FGD6: variants seen among roughly 807,000 people sequenced by gnomAD.
FGD6 encodes FYVE, RhoGEF and PH domain containing 6.
Under a neutral mutation model 149.4 loss-of-function variants are expected in FGD6, and 90 were observed. The observed-to-expected ratio is 0.60, with a 90% CI of 0.51 to 0.72. The LOEUF is 0.72. Among genes scored for constraint, FGD6 ranks in the 30% least tolerant of loss-of-function variants. The pLI, the probability that FGD6 is intolerant of heterozygous loss-of-function variation, is 0.00. For synonymous variants in FGD6, 527 were observed against 584.0 expected, an observed-to-expected ratio of 0.90 and a Z score of 1.41; for missense variants, 1,437 against 1,684.8, an observed-to-expected ratio of 0.85 and a Z score of 2.57.
intron 2 of FGD6, among the ~76,000 whole-genome samples, chr12:95,190,744 T>C (rs1186835246): frequency 6.6e-6 from 1 of 152,116 alleles, no homozygotes; most frequent in East Asian, 1.9e-4. Flanking sequence ...CATTCTGATA[T>C]TTCCCCACAT....
chr12:95,092,893 C>G, intron 15 of FGD6, 48 bp from the exon 16 acceptor site: 1 of 1,558,866 alleles, frequency 6.4e-7, no homozygotes, highest in Non-Finnish European at 8.7e-7. Context: ...CACTGCCTGC[C>G]TTTTTATTCG....
chr12:95,085,671 G>T, intron 19 of FGD6, 109 bp downstream of exon 19: 1 of 1,334,330 alleles, frequency 7.5e-7, no homozygotes. Context: ...CCATCCAAAA[G>T]CAAAGCAAAA....
chr12:95,133,795 C>T (rs1476932538), intron 8 of FGD6, among the ~76,000 whole-genome samples: 1 of 152,204 alleles, frequency 6.6e-6, no homozygotes, highest in African/African-American at 2.4e-5. Context: ...ACTGAGACTA[C>T]ACTAGCCTTT....
At chr12:95,187,065 C>T (rs1159461038) in intron 2 of FGD6, among the ~76,000 whole-genome samples, 10 of 152,190 alleles carry the variant, frequency 6.6e-5, no homozygotes. Flanking sequence ...GGCATAGTGG[C>T]TCATGCCTGT....
chr12:95,106,112 A>AC (rs139880961), intron 13 of FGD6, among the ~76,000 whole-genome samples: 1 of 151,218 alleles, frequency 6.6e-6, no homozygotes, highest in African/African-American at 2.4e-5. Flanking sequence ...TTTTCTCTAA[A>AC]ATATATATTT....
intron 20 of FGD6, among the ~76,000 whole-genome samples, chr12:95,083,562 C>T (rs1383043642): frequency 6.6e-6 from 1 of 151,872 alleles, no homozygotes; most frequent in Non-Finnish European, 1.5e-5. Context: ...AAATATTCTC[C>T]AGTAGCCAAA....
intron 12 of FGD6, 107 bp downstream of exon 12, chr12:95,107,456 A>T: frequency 1.0e-6 from 1 of 996,968 alleles, no homozygotes; most frequent in Non-Finnish European, 1.5e-6. Flanking sequence ...GAAGCTGGTG[A>T]GGCTGATATT....
At chr12:95,162,140 C>T (rs1016889029) in intron 3 of FGD6, among the ~76,000 whole-genome samples, 7 of 148,880 alleles carry the variant, frequency 4.7e-5, no homozygotes, top group African/African-American at 1.7e-4. Flanking sequence ...GTGGCATGTG[C>T]CTGTAGTTCC....
At chr12:95,121,388 TG>T (rs1879179313) in intron 8 of FGD6, among the ~76,000 whole-genome samples, 5 of 147,694 alleles carry the variant, frequency 3.4e-5, no homozygotes, top group African/African-American at 1.3e-4. Flanking sequence ...AGGTGGAGGT[TG>T]CAGTGAGCTG....
chr12:95,089,210 C>A (rs1171489458), intron 18 of FGD6, among the ~76,000 whole-genome samples: 1 of 152,190 alleles, frequency 6.6e-6, no homozygotes, highest in South Asian at 2.1e-4. Context: ...TACAAATAAA[C>A]CGTGCAGATC....
chr12:95,149,336 TTATATAA>T (rs1194332894), intron 5 of FGD6, among the ~76,000 whole-genome samples: 1 of 107,554 alleles, frequency 9.3e-6, no homozygotes, highest in East Asian at 2.4e-4. Flanking sequence ...ATATAATATA[TTATATAA>T]TATATAGCAT....
At chr12:95,128,570 G>A (rs752741278) in intron 8 of FGD6, among the ~76,000 whole-genome samples, 1 of 152,164 alleles carries the variant, frequency 6.6e-6, no homozygotes, top group Non-Finnish European at 1.5e-5. Context: ...TAGTGGAGAA[G>A]ATAAGGCACA....
chr12:95,108,771 C>G (rs2136241906), intron 9 of FGD6, among the ~76,000 whole-genome samples: 1 of 152,010 alleles, frequency 6.6e-6, no homozygotes, highest in African/African-American at 2.4e-5. Flanking sequence ...AAAACCTGGC[C>G]AAAACAATAT....
intron 8 of FGD6, 136 bp from the exon 9 acceptor site, chr12:95,113,837 T>C (rs1164180599): frequency 3.8e-6 from 2 of 521,462 alleles, no homozygotes; most frequent in African/African-American, 2.0e-5. Context: ...TTTCTAAAAA[T>C]GTGAAAAAAT....
At chr12:95,186,178 G>T (rs1881423303) in intron 2 of FGD6, among the ~76,000 whole-genome samples, 1 of 143,398 alleles carries the variant, frequency 7.0e-6, no homozygotes. Flanking sequence ...CTAACCTGCT[G>T]CCTGTTTTTG....
chr12:95,123,386 T>C (rs1879248490), intron 8 of FGD6, among the ~76,000 whole-genome samples: 1 of 152,056 alleles, frequency 6.6e-6, no homozygotes, highest in South Asian at 2.1e-4. Flanking sequence ...ACCCTGGTCC[T>C]GAGGCGGCAT....
intron 8 of FGD6, among the ~76,000 whole-genome samples, chr12:95,124,994 A>G (rs1396094654): frequency 6.6e-6 from 1 of 152,200 alleles, no homozygotes; most frequent in African/African-American, 2.4e-5. Flanking sequence ...CATGATTAAA[A>G]AATATTTTAT....
At chr12:95,200,985 TTAAAA>T (rs1329527603) in intron 2 of FGD6, among the ~76,000 whole-genome samples, 1 of 151,918 alleles carries the variant, frequency 6.6e-6, no homozygotes, top group African/African-American at 2.4e-5. Context: ...CAAGAAAGTA[TTAAAA>T]TAAATAGGCT....
chr12:95,095,812 G>C (rs537578172), intron 14 of FGD6, among the ~76,000 whole-genome samples: 1 of 152,166 alleles, frequency 6.6e-6, no homozygotes, highest in Admixed American at 6.5e-5. Context: ...TCAGGAGTTC[G>C]AGACCAGCAT....
Sources: gnomAD v4.1 joint callset for allele counts (sites outside exome capture counted in the v4.1 genomes callset) on GRCh38, gnomAD v4.1.1 for gene constraint, MANE v1.5 for transcripts, NCBI Gene and HGNC (gene_info 2026-07-23, HGNC 2026-07-21) for gene names.